RIMS2: variants seen among roughly 807,000 people sequenced by gnomAD.
The protein encoded by RIMS2 is regulating synaptic membrane exocytosis protein 2.
A neutral mutation model predicts 174.4 loss-of-function variants in RIMS2; 59 were observed. The ratio of observed to expected loss-of-function variants is 0.34; its 90% CI spans 0.27 to 0.42. The LOEUF is 0.42. Among genes scored for constraint, RIMS2 ranks in the 10% least tolerant of loss-of-function variants. The probability of loss-of-function intolerance (pLI) is 1.00; values close to 1 mark genes in which losing one functional copy is unlikely to be tolerated. For synonymous variants in RIMS2, 606 were observed against 572.5 expected, an observed-to-expected ratio of 1.06 and a Z score of -0.84; for missense variants, 1,620 against 1,666.3, an observed-to-expected ratio of 0.97 and a Z score of 0.48.
intron 1 of RIMS2, chr8:103,568,856 G>T: frequency 1.7e-6 from 2 of 1,156,656 alleles, no homozygotes; most frequent in South Asian, 2.4e-5. Flanking sequence ...GCTGGTCTTT[G>T]TTAATTGCTG....
intron 3 of RIMS2, among the ~76,000 whole-genome samples, chr8:103,841,954 C>CAAAAAGA (rs1178949796): frequency 7.1e-6 from 1 of 141,210 alleles, no homozygotes; most frequent in Non-Finnish European, 1.5e-5. Context: ...GACTCCGTCT[C>CAAAAAGA]AAAAAGAAAA....
chr8:103,774,754 A>T (rs568931619), intron 3 of RIMS2, among the ~76,000 whole-genome samples: 1 of 152,280 alleles, frequency 6.6e-6, no homozygotes, highest in South Asian at 2.1e-4. Context: ...AATCATAACA[A>T]TGTTTTCCTT....
At chr8:103,859,169 G>A (rs758798684) in intron 3 of RIMS2, among the ~76,000 whole-genome samples, 83 of 152,126 alleles carry the variant, frequency 5.5e-4, no homozygotes, top group Non-Finnish European at 9.9e-4. Flanking sequence ...CCAGCAATTG[G>A]TCCCAATACT....
intron 14 of RIMS2, among the ~76,000 whole-genome samples, chr8:103,950,134 AT>A: frequency 6.6e-6 from 1 of 152,218 alleles, no homozygotes; most frequent in Non-Finnish European, 1.5e-5. Flanking sequence ...GTAGCTAAAA[AT>A]TTTCCCTCAA....
chr8:103,686,214 C>G (rs1485731580), intron 1 of RIMS2, among the ~76,000 whole-genome samples: 1 of 152,008 alleles, frequency 6.6e-6, no homozygotes, highest in African/African-American at 2.4e-5. Context: ...TTATTTGTTA[C>G]AAGAGGTTTT....
intron 14 of RIMS2, among the ~76,000 whole-genome samples, chr8:103,948,704 T>A (rs1165668442): frequency 1.3e-5 from 2 of 152,166 alleles, no homozygotes; most frequent in African/African-American, 4.8e-5. Context: ...GTGTGAACAA[T>A]CTTTTGGGGG....
intron 19 of RIMS2, among the ~76,000 whole-genome samples, chr8:104,115,431 T>C (rs537821441): frequency 3.9e-5 from 6 of 152,210 alleles, no homozygotes; most frequent in African/African-American, 1.4e-4. Flanking sequence ...AAACTAAATC[T>C]TTAATTATTT....
chr8:103,806,664 A>G (rs556939387), intron 3 of RIMS2, among the ~76,000 whole-genome samples: 1 of 152,018 alleles, frequency 6.6e-6, no homozygotes, highest in South Asian at 2.1e-4. Context: ...TGGTTTGTAG[A>G]GGACAAGATT....
At chr8:103,903,432 A>G (rs2073661282) in intron 4 of RIMS2, among the ~76,000 whole-genome samples, 1 of 149,570 alleles carries the variant, frequency 6.7e-6, no homozygotes. Context: ...AAAAACAATG[A>G]TATAAAATAG....
At chr8:103,710,597 A>AT (rs1196109188) in intron 2 of RIMS2, among the ~76,000 whole-genome samples, 16 of 152,166 alleles carry the variant, frequency 1.1e-4, no homozygotes, top group Non-Finnish European at 2.1e-4. Context: ...AATAAGGATT[A>AT]TTTTAAGCGT....
chr8:103,672,455 C>G (rs1422733713), intron 1 of RIMS2, among the ~76,000 whole-genome samples: 1 of 151,834 alleles, frequency 6.6e-6, no homozygotes, highest in Non-Finnish European at 1.5e-5. Context: ...GTGCCGGCAT[C>G]TGCTTGGGCT....
chr8:103,803,261 A>T (rs2098627691), intron 3 of RIMS2, among the ~76,000 whole-genome samples: 1 of 152,136 alleles, frequency 6.6e-6, no homozygotes, highest in African/African-American at 2.4e-5. Flanking sequence ...CATAATTTAA[A>T]GTGTCTTTCA....
chr8:103,999,999 T>A (rs1411003538), intron 17 of RIMS2, among the ~76,000 whole-genome samples: 1 of 151,710 alleles, frequency 6.6e-6, no homozygotes, highest in East Asian at 1.9e-4. Context: ...ATATCTAATG[T>A]AGGATTTAGT....
intron 2 of RIMS2, among the ~76,000 whole-genome samples, chr8:103,713,884 C>G (rs1297875047): frequency 1.3e-5 from 2 of 152,200 alleles, no homozygotes; most frequent in East Asian, 3.8e-4. Flanking sequence ...TTACACTTCT[C>G]TTATTTCTGC....
intron 1 of RIMS2, among the ~76,000 whole-genome samples, chr8:103,528,823 C>G: frequency 6.6e-6 from 1 of 152,076 alleles, no homozygotes; most frequent in East Asian, 1.9e-4. Flanking sequence ...AGTCAGGTAG[C>G]CTGATGCCTC....
In RIMS2 at chr8:103,916,333, T is replaced by A. The variant is rs565773047; in HGVS notation, c.1913-81T>A. 23 of 976,716 alleles carry A rather than the reference T, an allele frequency of 2.4e-5. No homozygotes were observed. In the African/African-American group the frequency reaches 3.6e-4, roughly 15 times the overall value. The allele number at this position is 976,716 out of a possible 1,614,324, so 60.5% of individuals were successfully genotyped here. The stretch of plus-strand genomic sequence containing the variant: ...TGGTTATTTTATCCTATGGAGTTTA[T>A]TGAAGTTTAAGATGCTCTTAAGTGT... On this transcript the variant is annotated intron_variant, in intron 7 of 23. Coordinates refer to ENST00000504942, the Ensembl canonical transcript of RIMS2.
intron 2 of RIMS2, among the ~76,000 whole-genome samples, chr8:103,733,721 C>T (rs2097643109): frequency 6.6e-6 from 1 of 152,174 alleles, no homozygotes; most frequent in African/African-American, 2.4e-5. Context: ...CGCTAAGTCG[C>T]ATAATCACTG....
intron 2 of RIMS2, among the ~76,000 whole-genome samples, chr8:103,765,092 G>C (rs1381631969): frequency 1.3e-5 from 2 of 152,140 alleles, no homozygotes; most frequent in Non-Finnish European, 2.9e-5. Flanking sequence ...TGATTATACT[G>C]TTGTAATTTA....
chr8:103,949,363 A>G (rs2154542940), intron 14 of RIMS2, among the ~76,000 whole-genome samples: 1 of 152,322 alleles, frequency 6.6e-6, no homozygotes, highest in African/African-American at 2.4e-5. Flanking sequence ...CTCCAAGTTC[A>G]TTGAGAACAT....
Sources: gnomAD v4.1 joint callset for allele counts (sites outside exome capture counted in the v4.1 genomes callset) on GRCh38, gnomAD v4.1.1 for gene constraint, MANE v1.5 for transcripts, NCBI Gene and HGNC (gene_info 2026-07-23, HGNC 2026-07-21) for gene names.